The following CRHR1 variants were observed in gnomAD, a reference collection of about 807,000 sequenced individuals.
CRHR1 encodes the protein corticotropin-releasing hormone receptor 1.
In CRHR1, 28 loss-of-function variants were observed where a neutral mutation model predicts 56.0. That is an observed-to-expected ratio of 0.50 (90% confidence interval 0.37 to 0.69). The LOEUF (loss-of-function observed/expected upper bound fraction) is 0.69. Among genes scored for constraint, CRHR1 ranks in the 30% least tolerant of loss-of-function variants. The pLI, the probability that CRHR1 is intolerant of heterozygous loss-of-function variation, is 0.00. For synonymous variants in CRHR1, 195 were observed against 216.5 expected (o/e 0.90, Z 0.87); for missense variants, 376 against 548.0 (o/e 0.69, Z 3.13).
intron 1 of CRHR1, among the ~76,000 whole-genome samples, chr17:45,792,169 C>T (rs1324775136): frequency 6.6e-6 from 1 of 152,154 alleles, no homozygotes; most frequent in African/African-American, 2.4e-5. Flanking sequence ...AGAGACTCAG[C>T]CACTCCTTCA....
chr17:45,807,994 A>G, intron 2 of CRHR1, among the ~76,000 whole-genome samples: 1 of 152,132 alleles, frequency 6.6e-6, no homozygotes, highest in East Asian at 1.9e-4. Flanking sequence ...GCTGCTGGGC[A>G]AAAATGGAGA....
rs368753026 is a variant in CRHR1, at chr17:45,807,509, G to A, written c.121+412G>A. ...AATGCCCAGAGTGTAATACTCCACG[G>A]TGCTAACCCGTGCCAGGCACTGATC... is the stretch of plus-strand genomic sequence containing the variant. On this transcript the variant is annotated intron_variant, in intron 2 of 12. Coordinates refer to ENST00000314537, the MANE Select transcript of CRHR1 (RefSeq NM_004382.5). Among the ~76,000 whole-genome samples the A allele has an allele frequency of 2.3e-3, 350 of 152,320 alleles. 15 individuals are homozygous for A. The South Asian group carries it at 0.07, about 30-fold the overall frequency.
intron 3 of CRHR1, among the ~76,000 whole-genome samples, chr17:45,819,162 C>G (rs17689608): frequency 0.14 from 21,822 of 152,248 alleles, 2,140 homozygotes; most frequent in Middle Eastern, 0.22. Context: ...TATATAAATA[C>G]AGCTCCAAGA....
Position 45,830,219 on chromosome 17 carries a change from G to T in CRHR1, c.555+5G>T. 6.2e-7 allele frequency: 1 copy of T among 1,614,000 alleles called. No homozygotes were observed. The highest frequency in any genetic ancestry group is 8.5e-7 in the Non-Finnish European group (1 of 1,179,970). On this transcript the variant is annotated splice_donor_5th_base_variant and intron_variant, in intron 6 of 12. Coordinates refer to ENST00000314537, the MANE Select transcript of CRHR1 (RefSeq NM_004382.5). ...GAGGTCCACCAGAGCAACGTGGTACGTCCTGGCAGGGGAGCGGGGAGCAGG... is the reference window on the plus strand; with the variant it reads ...GAGGTCCACCAGAGCAACGTGGTACTTCCTGGCAGGGGAGCGGGGAGCAGG...
chr17:45,797,013 G>A (rs558723203), intron 1 of CRHR1, among the ~76,000 whole-genome samples: 6 of 152,352 alleles, frequency 3.9e-5, no homozygotes, highest in African/African-American at 7.2e-5. Flanking sequence ...GCTACGCTCC[G>A]GGCACCCCCT....
At position 45,816,500 on chromosome 17, in the gene CRHR1, C is replaced by T. The variant is rs373364791; in HGVS notation, c.159C>T (p.Thr53=). ...QCNASVDLIG[T]CWPRSPAGQL... ...ACGCATCCGTGGACCTCATTGGCAC[C>T]TGCTGGCCCCGCAGCCCTGCGGGGC... The change falls in exon 3 of 13, where the codon ACC becomes ACT. Residue 53 remains threonine (T), a synonymous_variant. Coordinates refer to ENST00000314537, the MANE Select transcript of CRHR1 (RefSeq NM_004382.5). The T allele has an allele frequency of 1.2e-6, 2 of 1,614,184 alleles. No individual in the cohort carries two copies. The highest frequency in any genetic ancestry group is 1.1e-5 in the South Asian group (1 of 91,082).
intron 4 of CRHR1, among the ~76,000 whole-genome samples, chr17:45,823,743 C>T (rs1051118769): frequency 6.6e-6 from 1 of 152,198 alleles, no homozygotes; most frequent in Non-Finnish European, 1.5e-5. Context: ...TAGCTCCCAC[C>T]CCGGCCTGGC....
chr17:45,804,315 A>G (rs972761837), intron 1 of CRHR1, among the ~76,000 whole-genome samples: 1 of 152,140 alleles, frequency 6.6e-6, no homozygotes, highest in Non-Finnish European at 1.5e-5. Flanking sequence ...AGAGACCCCT[A>G]TGAGAGTATC....
chr17:45,817,436 A>C (rs2061952268), intron 3 of CRHR1, among the ~76,000 whole-genome samples: 1 of 152,226 alleles, frequency 6.6e-6, no homozygotes, highest in African/African-American at 2.4e-5. Flanking sequence ...GGGTGAGCCC[A>C]GACACCATGT....
At position 45,835,121 on chromosome 17, in the gene CRHR1, G is replaced by A; in HGVS notation, c.*357G>A. The A allele has an allele frequency of 3.7e-6, 1 of 269,782 alleles. No individual in the cohort carries two copies. Among genetic ancestry groups the A allele is most frequent in the Admixed American group, 5.0e-5 (1 of 20,178 alleles). The allele number at this position is 269,782 out of a possible 1,614,324, so 16.7% of individuals were successfully genotyped here. A position where few individuals can be genotyped will look rare whatever the true frequency, so the allele number is the denominator to read the frequency against. The stretch of plus-strand genomic sequence containing the variant: ...CAGAGCACAAGAAGGCCAGCCCACT[G>A]GGCCCTGGGGCTGCCCTCGGCAACC... On this transcript the variant is annotated 3_prime_UTR_variant, in exon 13 of 13. Coordinates refer to ENST00000314537, the MANE Select transcript of CRHR1 (RefSeq NM_004382.5).
chr17:45,831,016 T>C, intron 8 of CRHR1, 76 bp downstream of exon 8: 1 of 1,412,750 alleles, frequency 7.1e-7, no homozygotes, highest in Non-Finnish European at 1.0e-6. Flanking sequence ...CCCACGGGCA[T>C]TGGCCATGCT....
intron 1 of CRHR1, among the ~76,000 whole-genome samples, chr17:45,785,082 C>T (rs1243715850): frequency 6.6e-6 from 1 of 152,178 alleles, no homozygotes; most frequent in East Asian, 1.9e-4. Flanking sequence ...AGATGAATGC[C>T]GCCCGCGCCT....
At chr17:45,812,113 T>C (rs541920088) in intron 2 of CRHR1, among the ~76,000 whole-genome samples, 1 of 152,336 alleles carries the variant, frequency 6.6e-6, no homozygotes, top group African/African-American at 2.4e-5. Flanking sequence ...CCTGTATACT[T>C]TAAATCATCT....
chr17:45,813,399 G>A (rs578070137), intron 2 of CRHR1, among the ~76,000 whole-genome samples: 7 of 151,014 alleles, frequency 4.6e-5, no homozygotes, highest in African/African-American at 1.5e-4. Context: ...TTTTCATTTG[G>A]CTTCTCCTCC....
chr17:45,806,983 T>C (rs1470965535), intron 1 of CRHR1, 27 bp from the exon 2 acceptor site: 11 of 1,605,784 alleles, frequency 6.9e-6, no homozygotes, highest in Non-Finnish European at 9.4e-6. Context: ...ACCTGCCTAA[T>C]GTGTCCTTCG....
intron 1 of CRHR1, among the ~76,000 whole-genome samples, chr17:45,803,256 G>T (rs1194547711): frequency 6.6e-6 from 1 of 152,218 alleles, no homozygotes; most frequent in Admixed American, 6.5e-5. Context: ...TGCCTTCAAG[G>T]TGGGGGATAT....
Position 45,833,512 on chromosome 17 carries a change from A to G in CRHR1, c.904A>G (p.Thr302Ala), listed in dbSNP as rs1418756038. ...CCTCATGACCAAGCTCCGGGCATCC[A>G]CCACGTCTGAGACCATTCAGTACAG... is the stretch of plus-strand genomic sequence containing the variant. ...RILMTKLRASTTSETIQYRKA... is the reference protein window; with the variant it reads ...RILMTKLRASATSETIQYRKA... Residue 302 changes from threonine to alanine, a missense_variant, in exon 10 of 13, where the codon ACC becomes GCC. Physicochemically the swap from Thr to Ala is moderately conservative, Grantham distance 58 (BLOSUM62 0). This residue lies in a region of CRHR1 where 369 missense variants were observed against 519.5 expected (regional missense o/e 0.71). Transcript: ENST00000314537. The G allele has an allele frequency of 6.2e-7, 1 of 1,613,974 alleles. No individual in the cohort carries two copies. The highest frequency in any genetic ancestry group is 1.7e-5 in the Admixed American group (1 of 60,020).
At position 45,821,346 on chromosome 17, in the gene CRHR1, CT is replaced by C; in HGVS notation, c.242-5del. On this transcript the variant is annotated splice_region_variant and splice_polypyrimidine_tract_variant and intron_variant, in intron 3 of 12. Transcript: ENST00000314537. ...CCCCGCCATCACTGCCTCTCTCTTC[CT>C]TTTCCAGACAATGGCTACCGGGAGT... 1 of 1,613,330 alleles carries C rather than the reference CT, an allele frequency of 6.2e-7. No individual in the cohort carries two copies.
At position 45,819,697 on chromosome 17, in the gene CRHR1, A is replaced by G. The variant is rs560406881; in HGVS notation, c.242-1658A>G. ...GCAGCCTCTTCACCAACTCTGCCCA[A>G]GGGCCTGAGGCTCCCTGAGACTGCG... On this transcript the variant is annotated intron_variant, in intron 3 of 12. Transcript: ENST00000314537. Among the ~76,000 whole-genome samples the G allele has an allele frequency of 5.3e-5, 8 of 152,284 alleles. No individual in the cohort carries two copies. The East Asian group carries it at 1.5e-3, about 29-fold the overall frequency.
Sources: gnomAD v4.1 joint callset for allele counts (sites outside exome capture counted in the v4.1 genomes callset) on GRCh38, gnomAD v4.1.1 for gene constraint, gnomAD v4.1.1 regional missense constraint, MANE v1.5 for transcripts, NCBI Gene and HGNC (gene_info 2026-07-23, HGNC 2026-07-21) for gene names.